FAT3: variants seen among roughly 807,000 people sequenced by gnomAD.
FAT3 encodes the protein protocadherin Fat 3.
A neutral mutation model predicts 310.2 loss-of-function variants in FAT3; 95 were observed. That is an observed-to-expected ratio of 0.31 (90% CI 0.26 to 0.36). FAT3 has a LOEUF of 0.36. Among genes scored for constraint, FAT3 ranks in the 10% least tolerant of loss-of-function variants. The pLI, the probability that FAT3 is intolerant of heterozygous loss-of-function variation, is 1.00. For missense variants in FAT3, 5,408 were observed against 5,715.6 expected (o/e 0.95, Z 1.74); for synonymous variants, 2,314 against 2,192.9 (o/e 1.06, Z -1.54).
chr11:92,557,708 A>G lies in FAT3; in HGVS notation c.3607+32760A>G, dbSNP rs563923031. On this transcript the variant is annotated intron_variant, in intron 3 of 27. Coordinates refer to ENST00000525166, the MANE Select transcript of FAT3 (RefSeq NM_001367949.2). Reference sequence around the variant, plus strand: ...ACTGTAGGATGCCTTTAAATTCCTGAGCATTAGTGGAGGTGATAAAACTTG... The same window carrying G: ...ACTGTAGGATGCCTTTAAATTCCTGGGCATTAGTGGAGGTGATAAAACTTG... Among the ~76,000 whole-genome samples the G allele has an allele frequency of 2.6e-3, 389 of 152,296 alleles. 2 individuals are homozygous for G. Among genetic ancestry groups the G allele is most frequent in the African/African-American group, 8.5e-3 (353 of 41,554 alleles).
chr11:92,271,138 A>G (rs545722265), intron 1 of FAT3, among the ~76,000 whole-genome samples: 292 of 152,198 alleles, frequency 1.9e-3, no homozygotes, highest in Non-Finnish European at 3.1e-3. Context: ...CAGAGTATTC[A>G]TCAGGCTGCC....
intron 2 of FAT3, among the ~76,000 whole-genome samples, chr11:92,454,488 T>TG (rs1951447956): frequency 6.6e-6 from 1 of 152,170 alleles, no homozygotes; most frequent in Admixed American, 6.6e-5. Flanking sequence ...ATTTCTTTAA[T>TG]TTTTCTGTTT....
intron 3 of FAT3, among the ~76,000 whole-genome samples, chr11:92,660,283 G>A (rs2135791283): frequency 6.6e-6 from 1 of 151,974 alleles, no homozygotes; most frequent in South Asian, 2.1e-4. Context: ...GGTGGGGGTG[G>A]GGAGTTTATA....
At chr11:92,575,474 A>T (rs1490873521) in intron 3 of FAT3, among the ~76,000 whole-genome samples, 2 of 152,190 alleles carry the variant, frequency 1.3e-5, no homozygotes, top group South Asian at 4.1e-4. Context: ...TATAACTTCA[A>T]CTTCATTATC....
intron 3 of FAT3, among the ~76,000 whole-genome samples, chr11:92,555,277 G>A (rs1427112797): frequency 1.3e-5 from 2 of 152,204 alleles, no homozygotes; most frequent in East Asian, 1.9e-4. Flanking sequence ...CAGCATTAAC[G>A]ATTTCAATAG....
At position 92,434,026 on chromosome 11, in the gene FAT3, A is replaced by AAT. The variant is rs1324493686; in HGVS notation, c.3292+78623_3292+78624insTA. ...GGGAGACTCAGTCTCAAAAAAAAAA[A>AAT]AAAAGAAGAACCATCACTGTGGATT... On this transcript the variant is annotated intron_variant, in intron 2 of 27. Coordinates refer to ENST00000525166, the MANE Select transcript of FAT3 (RefSeq NM_001367949.2). 2.6e-5 allele frequency among the ~76,000 whole-genome samples: 4 copies of AAT among 151,352 alleles called. No individual in the cohort carries two copies. The East Asian group carries it at 7.8e-4, about 30-fold the overall frequency.
At chr11:92,737,908 C>T (rs1326866693) in intron 4 of FAT3, among the ~76,000 whole-genome samples, 2 of 152,044 alleles carry the variant, frequency 1.3e-5, no homozygotes, top group Non-Finnish European at 2.9e-5. Context: ...CAGAATCTGC[C>T]CCCTGATTGC....
intron 3 of FAT3, among the ~76,000 whole-genome samples, chr11:92,660,844 T>A (rs1942755832): frequency 6.6e-6 from 1 of 152,224 alleles, no homozygotes; most frequent in Non-Finnish European, 1.5e-5. Flanking sequence ...GAATCTTCTC[T>A]ACAATCATAA....
chr11:92,513,241 C>T (rs1228687475), intron 2 of FAT3, among the ~76,000 whole-genome samples: 1 of 152,074 alleles, frequency 6.6e-6, no homozygotes, highest in African/African-American at 2.4e-5. Context: ...ACAGATATGA[C>T]TATAGGAGTG....
At chr11:92,677,687 C>T (rs1943332807) in intron 3 of FAT3, among the ~76,000 whole-genome samples, 1 of 152,192 alleles carries the variant, frequency 6.6e-6, no homozygotes, top group Non-Finnish European at 1.5e-5. Context: ...GGTAAGAGAG[C>T]AAGAACTCAC....
intron 13 of FAT3, among the ~76,000 whole-genome samples, chr11:92,819,616 C>A (rs1248766181): frequency 6.6e-6 from 1 of 152,092 alleles, no homozygotes; most frequent in Non-Finnish European, 1.5e-5. Context: ...AAATAAAATA[C>A]AAAAAGTTAC....
chr11:92,705,542 TGTGATG>T (rs1944273119), intron 4 of FAT3, among the ~76,000 whole-genome samples: 2 of 17,672 alleles, frequency 1.1e-4, no homozygotes, highest in African/African-American at 2.2e-4. Flanking sequence ...GGTGTGATGG[TGTGATG>T]GTGGTGGTGT....
chr11:92,298,554 G>A (rs1158693831), intron 1 of FAT3, among the ~76,000 whole-genome samples: 1 of 152,102 alleles, frequency 6.6e-6, no homozygotes, highest in Non-Finnish European at 1.5e-5. Flanking sequence ...TAAAGGAAGA[G>A]ATGTTCTTCC....
chr11:92,246,677 C>T (rs964965679), intron 1 of FAT3, among the ~76,000 whole-genome samples: 1 of 152,036 alleles, frequency 6.6e-6, no homozygotes, highest in African/African-American at 2.4e-5. Flanking sequence ...TTGGAGTAGA[C>T]AATGTGGCAG....
rs1555058203 is a variant in FAT3, at chr11:92,478,948, C to CTTTTCTTTTCT, written c.3293-45683_3293-45682insTCTTTTCTTTT. Among the ~76,000 whole-genome samples, 894 of 114,518 alleles carry CTTTTCTTTTCT rather than the reference C, an allele frequency of 7.8e-3. 22 individuals are homozygous for CTTTTCTTTTCT. The highest frequency in any genetic ancestry group is 0.024 in the African/African-American group (643 of 27,176). The allele number at this position is 114,518 out of a possible 152,430, so 75.1% of individuals were successfully genotyped here. A position where few individuals can be genotyped will look rare whatever the true frequency, so the allele number is the denominator to read the frequency against. ...TTTCTTTCCTTCTCTTTCTTTCTTTCTTTCTTTTCTTTTCTTTTCTTTTCT... is the reference window on the plus strand; with the variant it reads ...TTTCTTTCCTTCTCTTTCTTTCTTTCTTTTCTTTTCTTTTCTTTTCTTTTCTTTTCTTTTCT... On this transcript the variant is annotated intron_variant, in intron 2 of 27. Coordinates refer to ENST00000525166, the MANE Select transcript of FAT3 (RefSeq NM_001367949.2).
At chr11:92,619,858 A>G (rs1321012454) in intron 3 of FAT3, among the ~76,000 whole-genome samples, 1 of 151,152 alleles carries the variant, frequency 6.6e-6, no homozygotes, top group African/African-American at 2.4e-5. Flanking sequence ...TTCCACCACC[A>G]CCTTTCTTCT....
chr11:92,293,648 A>G lies in FAT3; in HGVS notation c.-17-58448A>G, dbSNP rs188939702. ...TTCCTAATTGAGCAATTAGACAATG[A>G]TGGTCACATGGGTAGAGATGGGTCT... On this transcript the variant is annotated intron_variant, in intron 1 of 27. Transcript: ENST00000525166. Among the ~76,000 whole-genome samples the G allele has an allele frequency of 2.7e-5, 4 of 150,762 alleles. No individual in the cohort carries two copies. In the East Asian group the frequency reaches 5.9e-4, roughly 22 times the overall value.
At chr11:92,442,413 A>G (rs1400612365) in intron 2 of FAT3, among the ~76,000 whole-genome samples, 2 of 151,218 alleles carry the variant, frequency 1.3e-5, no homozygotes, top group Non-Finnish European at 2.9e-5. Context: ...GCGCCTGGCC[A>G]GGAAATATAT....
chr11:92,623,477 C>T (rs1351292793), intron 3 of FAT3, among the ~76,000 whole-genome samples: 2 of 152,140 alleles, frequency 1.3e-5, no homozygotes, highest in African/African-American at 2.4e-5. Context: ...GATATGTCAA[C>T]TCGAGTTTTT....
Sources: gnomAD v4.1 joint callset for allele counts (sites outside exome capture counted in the v4.1 genomes callset) on GRCh38, gnomAD v4.1.1 for gene constraint, MANE v1.5 for transcripts, NCBI Gene and HGNC (gene_info 2026-07-23, HGNC 2026-07-21) for gene names.